The following IL27RA variants were observed in gnomAD, a reference collection of about 807,000 sequenced individuals.
The protein encoded by IL27RA is interleukin-27 receptor subunit alpha.
In IL27RA, 61 loss-of-function variants were observed where a neutral mutation model predicts 80.8. The ratio of observed to expected loss-of-function variants is 0.76; its 90% CI spans 0.61 to 0.93. IL27RA has a LOEUF of 0.93. Ranked by LOEUF, IL27RA falls within the 40% of genes least tolerant of loss-of-function variation. The pLI, the probability that IL27RA is intolerant of heterozygous loss-of-function variation, is 0.00. For synonymous variants in IL27RA, 316 were observed against 332.5 expected, an observed-to-expected ratio of 0.95 and a Z score of 0.54; for missense variants, 735 against 808.1, an observed-to-expected ratio of 0.91 and a Z score of 1.10.
rs770670251 is a variant in IL27RA at position 14,042,727 on chromosome 19, G to A, written c.706G>A (p.Val236Met). ...CTCATCCTTGCCAGCTCCAAAAGAT[G>A]TGTGGGTATCAGGGAACCTCTGTGG... The part of the protein sequence containing the change: ...FQTPPSAPKD[V>M]WVSGNLCGTP... Residue 236 changes from valine (V) to methionine (M), a missense_variant, in exon 6 of 14, where the codon GTG (valine) becomes ATG (methionine). Physicochemically the swap from Val to Met is conservative, Grantham distance 21. Coordinates refer to ENST00000263379, the MANE Select transcript of IL27RA (RefSeq NM_004843.4). 6.2e-7 allele frequency: 1 copy of A among 1,614,160 alleles called. No individual in the cohort carries two copies. The highest frequency in any genetic ancestry group is 1.1e-5 in the South Asian group (1 of 91,084).
chr19:14,039,785 G>T lies in IL27RA; in HGVS notation c.409G>T (p.Val137Leu), dbSNP rs765045284. ...AAACGCCCCCCGGCTGGGCCCTGAC[G>T]TGGACTTTTCCGAGGATGACCCCCT... ...KPNAPRLGPD[V>L]DFSEDDPLEA... The change falls in exon 4 of 14, where the codon GTG becomes TTG. Residue 137 changes from valine to leucine, a missense_variant. Physicochemically the swap from Val to Leu is conservative, Grantham distance 32. Coordinates refer to ENST00000263379, the MANE Select transcript of IL27RA (RefSeq NM_004843.4). 6 of 1,614,030 alleles carry T rather than the reference G, an allele frequency of 3.7e-6. No homozygotes were observed. The African/African-American group carries it at 5.3e-5, about 14-fold the overall frequency.
chr19:14,041,342 C>G (rs949249823), intron 4 of IL27RA, among the ~76,000 whole-genome samples: 1 of 152,090 alleles, frequency 6.6e-6, no homozygotes, highest in Admixed American at 6.6e-5. Context: ...GGATTACAGG[C>G]ATGTGCCACC....
At chr19:14,052,013 C>A in intron 13 of IL27RA, 40 bp downstream of exon 13, 4 of 1,538,046 alleles carry the variant, frequency 2.6e-6, no homozygotes, top group Non-Finnish European at 3.5e-6. Flanking sequence ...CTCTGGGGGA[C>A]TGGGGAGTCC....
intron 6 of IL27RA, among the ~76,000 whole-genome samples, chr19:14,045,540 G>C (rs1976052568): frequency 6.6e-6 from 1 of 150,744 alleles, no homozygotes; most frequent in Admixed American, 6.6e-5. Flanking sequence ...GGCAGAGCTT[G>C]CAGTGAGCCG....
Position 14,032,513 on chromosome 19 carries a change from G to A in IL27RA, c.218+10G>A, listed in dbSNP as rs1462566242. The A allele has an allele frequency of 6.4e-7, 1 of 1,574,542 alleles. No homozygotes were observed. Among genetic ancestry groups the A allele is most frequent in the Non-Finnish European group, 8.7e-7 (1 of 1,145,210 alleles). On this transcript the variant is annotated intron_variant, in intron 2 of 13. Coordinates refer to ENST00000263379, the MANE Select transcript of IL27RA (RefSeq NM_004843.4). ...TCCAGAGCCAAAAGTAGTGAGTACAGGGAGGTGACGTGGGGAAACAGGCTT... is the reference window on the plus strand; with the variant it reads ...TCCAGAGCCAAAAGTAGTGAGTACAAGGAGGTGACGTGGGGAAACAGGCTT...
chr19:14,037,649 A>G (rs1975923432), intron 2 of IL27RA, among the ~76,000 whole-genome samples: 1 of 152,046 alleles, frequency 6.6e-6, no homozygotes, highest in Non-Finnish European at 1.5e-5. Context: ...TCTTCTAGCT[A>G]CTGCATGGTT....
chr19:14,042,724 GAT>G lies in IL27RA; in HGVS notation c.704_705del (p.Asp235GlyfsTer41), dbSNP rs1976009499. 1 of 1,614,044 alleles carries G rather than the reference GAT, an allele frequency of 6.2e-7. No individual in the cohort carries two copies. The highest frequency in any genetic ancestry group is 1.1e-5 in the South Asian group (1 of 91,094). On this transcript the variant is annotated frameshift_variant, in exon 6 of 14. Coordinates refer to ENST00000263379, the MANE Select transcript of IL27RA (RefSeq NM_004843.4). LOFTEE classifies it high-confidence loss of function. ...TTCCTCATCCTTGCCAGCTCCAAAA[GAT>G]GTGTGGGTATCAGGGAACCTCTGTG... Reference protein sequence around the residue: ...SFQTPPSAPKDVWVSGNLCGT... With the variant: ...SFQTPPSAPKXVWVSGNLCGT...
At chr19:14,034,018 G>A (rs925837707) in intron 2 of IL27RA, among the ~76,000 whole-genome samples, 4 of 152,120 alleles carry the variant, frequency 2.6e-5, no homozygotes, top group Admixed American at 2.0e-4. Context: ...ACCTGCCTCC[G>A]AAGGTTAAGT....
chr19:14,039,121 C>G (rs1975949197), intron 2 of IL27RA, among the ~76,000 whole-genome samples: 1 of 151,728 alleles, frequency 6.6e-6, no homozygotes, highest in South Asian at 2.1e-4. Flanking sequence ...CCCATCGCTA[C>G]TAAAAACACA....
intron 2 of IL27RA, among the ~76,000 whole-genome samples, chr19:14,037,978 G>A (rs1044788930): frequency 1.8e-4 from 28 of 151,656 alleles, no homozygotes; most frequent in Non-Finnish European, 3.8e-4. Flanking sequence ...TTACAGGCAC[G>A]TGCCACCACG....
chr19:14,048,466 AC>A (rs1976103884), intron 8 of IL27RA, among the ~76,000 whole-genome samples: 1 of 151,954 alleles, frequency 6.6e-6, no homozygotes, highest in African/African-American at 2.4e-5. Flanking sequence ...AGAGTGCAGC[AC>A]CCTCAGCTAC....
intron 2 of IL27RA, among the ~76,000 whole-genome samples, chr19:14,036,028 C>T (rs1445822781): frequency 6.7e-6 from 1 of 148,764 alleles, no homozygotes; most frequent in Non-Finnish European, 1.5e-5. Flanking sequence ...ATGGCTTGAG[C>T]CCAGGGGTTG....
At chr19:14,043,776 G>T (rs1034594520) in intron 6 of IL27RA, among the ~76,000 whole-genome samples, 1 of 151,786 alleles carries the variant, frequency 6.6e-6, no homozygotes, top group African/African-American at 2.4e-5. Context: ...GGCTGGGCAT[G>T]GTGGCTCATG....
intron 2 of IL27RA, 56 bp from the exon 3 acceptor site, chr19:14,039,452 T>C: frequency 5.8e-6 from 9 of 1,557,796 alleles, no homozygotes; most frequent in Non-Finnish European, 7.8e-6. Flanking sequence ...AGGGTGGTTA[T>C]CAGTGGCCCT....
chr19:14,033,388 C>T (rs569438466), intron 2 of IL27RA, among the ~76,000 whole-genome samples: 6 of 150,874 alleles, frequency 4.0e-5, no homozygotes, highest in Non-Finnish European at 8.9e-5. Context: ...TGTGAGCCAC[C>T]GTGCCTGGCC....
At position 14,042,464 on chromosome 19, in the gene IL27RA, G is replaced by A; in HGVS notation, c.546G>A (p.Glu182=). The A allele has an allele frequency of 6.2e-7, 1 of 1,614,008 alleles. No individual in the cohort carries two copies. The highest frequency in any genetic ancestry group is 8.5e-7 in the Non-Finnish European group (1 of 1,179,960). ...TGTCTCTCCCCCAGCTGGAACCGGA[G>A]CTGAAGACCATACCCCTGACCCCTG... ...QEAAWTLLEP[E]LKTIPLTPVE... The change falls in exon 5 of 14, where the codon GAG becomes GAA. Residue 182 remains glutamate (E), a synonymous_variant. Transcript: ENST00000263379.
At chr19:14,042,387 A>C in intron 4 of IL27RA, 66 bp from the exon 5 acceptor site, 1 of 1,518,816 alleles carries the variant, frequency 6.6e-7, no homozygotes, top group Non-Finnish European at 8.9e-7. Context: ...GGAAAAAAAA[A>C]AAGATAAGTT....
At chr19:14,033,699 G>A (rs1254576958) in intron 2 of IL27RA, among the ~76,000 whole-genome samples, 3 of 151,500 alleles carry the variant, frequency 2.0e-5, no homozygotes, top group Non-Finnish European at 4.4e-5. Context: ...TGGCGTGGTG[G>A]CTCACGCCTA....
In IL27RA at chr19:14,052,482, T is replaced by A. The variant is rs1976191479; in HGVS notation, c.*192T>A. On this transcript the variant is annotated 3_prime_UTR_variant, in exon 14 of 14. Coordinates refer to ENST00000263379, the MANE Select transcript of IL27RA (RefSeq NM_004843.4). Reference sequence around the variant, plus strand: ...CCTATAGAGAAGGGCTTGGCCCCCATGGGGAAGACACGGATGGAAGGTGGA... The same window carrying A: ...CCTATAGAGAAGGGCTTGGCCCCCAAGGGGAAGACACGGATGGAAGGTGGA... 2.2e-6 allele frequency: 1 copy of A among 455,166 alleles called. No homozygotes were observed. 28.2% of individuals were successfully genotyped at this position (455,166 alleles called of 1,614,324 possible).
Sources: allele counts gnomAD v4.1 joint callset (sites outside exome capture counted in the v4.1 genomes callset), GRCh38; gene constraint gnomAD v4.1.1; transcripts MANE v1.5; gene names NCBI Gene and HGNC (gene_info 2026-07-23, HGNC 2026-07-21).